The following CUL3 variants were observed in gnomAD, a reference collection of about 807,000 sequenced individuals.
CUL3 encodes the protein cullin-3.
A neutral mutation model predicts 89.1 loss-of-function variants in CUL3; 19 were observed. That is an observed-to-expected ratio of 0.21 (90% CI 0.15 to 0.31). The LOEUF (loss-of-function observed/expected upper bound fraction) is 0.31. Among genes scored for constraint, CUL3 ranks in the 10% least tolerant of loss-of-function variants. The probability of loss-of-function intolerance (pLI) is 1.00; values close to 1 mark genes in which losing one functional copy is unlikely to be tolerated. For missense variants in CUL3, 469 were observed against 942.3 expected, an observed-to-expected ratio of 0.50 and a Z score of 6.58; for synonymous variants, 351 against 308.4, an observed-to-expected ratio of 1.14 and a Z score of -1.45.
chr2:224,539,838 A>G (rs1053867813), intron 2 of CUL3, among the ~76,000 whole-genome samples: 1 of 152,084 alleles, frequency 6.6e-6, no homozygotes, highest in Non-Finnish European at 1.5e-5. Context: ...TATTCTGTAC[A>G]ATACTATACT....
intron 1 of CUL3, among the ~76,000 whole-genome samples, chr2:224,581,425 T>A (rs1695434579): frequency 6.6e-6 from 1 of 151,646 alleles, no homozygotes. Context: ...GATTATGTGT[T>A]AGCTTGATGG....
intron 1 of CUL3, among the ~76,000 whole-genome samples, chr2:224,577,174 T>C (rs914921960): frequency 5.3e-5 from 8 of 152,252 alleles, no homozygotes; most frequent in African/African-American, 1.7e-4. Flanking sequence ...TTTAAAGCTT[T>C]ATTTTATTTA....
At chr2:224,516,865 T>C (rs1693072769) in intron 3 of CUL3, among the ~76,000 whole-genome samples, 4 of 151,992 alleles carry the variant, frequency 2.6e-5, no homozygotes. Flanking sequence ...CAGGATGGTC[T>C]CCATCTCCTA....
chr2:224,551,328 C>A (rs1694508335), intron 2 of CUL3, among the ~76,000 whole-genome samples: 2 of 151,864 alleles, frequency 1.3e-5, no homozygotes, highest in Admixed American at 1.3e-4. Flanking sequence ...GCCTCAGCCT[C>A]CTGTGTAGCT....
intron 1 of CUL3, among the ~76,000 whole-genome samples, chr2:224,563,772 C>T (rs1221108857): frequency 6.6e-6 from 1 of 152,154 alleles, no homozygotes; most frequent in Admixed American, 6.5e-5. Context: ...AACTTGGTAA[C>T]TTAACAGCCA....
chr2:224,521,957 G>GA (rs1474854003), intron 3 of CUL3, among the ~76,000 whole-genome samples: 2 of 149,858 alleles, frequency 1.3e-5, no homozygotes, highest in African/African-American at 4.9e-5. Flanking sequence ...CTGTAAAAGA[G>GA]AATACGAAAA....
intron 9 of CUL3, 51 bp downstream of exon 9, chr2:224,503,601 C>T (rs2106196101): frequency 1.4e-6 from 2 of 1,403,662 alleles, no homozygotes; most frequent in Non-Finnish European, 9.6e-7. Flanking sequence ...AGTACACAAT[C>T]ATAATAAACC....
intron 2 of CUL3, 54 bp downstream of exon 2, chr2:224,557,605 A>C (rs976611235): frequency 3.9e-5 from 50 of 1,294,342 alleles, no homozygotes; most frequent in Non-Finnish European, 5.3e-5. Context: ...ATATGGTATA[A>C]AGGATTTTCT....
At chr2:224,583,168 G>T (rs1328376774) in intron 1 of CUL3, among the ~76,000 whole-genome samples, 1 of 151,984 alleles carries the variant, frequency 6.6e-6, no homozygotes, top group Non-Finnish European at 1.5e-5. Flanking sequence ...ACCTGAGGTC[G>T]GGAGTTCGAG....
chr2:224,576,933 G>T (rs976198652), intron 1 of CUL3, among the ~76,000 whole-genome samples: 2 of 152,102 alleles, frequency 1.3e-5, no homozygotes, highest in Non-Finnish European at 2.9e-5. Context: ...GTATCCCAGT[G>T]GTACTAAACC....
intron 2 of CUL3, among the ~76,000 whole-genome samples, chr2:224,544,100 C>T (rs188644454): frequency 1.9e-4 from 29 of 152,294 alleles, no homozygotes; most frequent in African/African-American, 7.0e-4. Flanking sequence ...GAGCAAGTCA[C>T]CTAACCTATC....
intron 1 of CUL3, among the ~76,000 whole-genome samples, chr2:224,567,957 A>G (rs748219094): frequency 1.3e-5 from 2 of 152,150 alleles, no homozygotes; most frequent in Admixed American, 1.3e-4. Context: ...AACAACATTA[A>G]ACCAATGGGA....
At chr2:224,571,803 A>C (rs1016511517) in intron 1 of CUL3, among the ~76,000 whole-genome samples, 1 of 152,226 alleles carries the variant, frequency 6.6e-6, no homozygotes, top group African/African-American at 2.4e-5. Flanking sequence ...TTTCAAACAA[A>C]GGCCACAGGA....
At chr2:224,529,078 C>A (rs1363516762) in intron 3 of CUL3, among the ~76,000 whole-genome samples, 1 of 152,008 alleles carries the variant, frequency 6.6e-6, no homozygotes, top group Non-Finnish European at 1.5e-5. Context: ...GGAATACTAT[C>A]TATAATTTTC....
intron 11 of CUL3, chr2:224,499,695 C>A: frequency 4.7e-6 from 1 of 213,858 alleles, no homozygotes; most frequent in South Asian, 8.7e-5. Flanking sequence ...TATCTACGGT[C>A]ACTGCAAAAA....
intron 1 of CUL3, among the ~76,000 whole-genome samples, chr2:224,574,751 A>G (rs1242808818): frequency 1.3e-5 from 2 of 152,240 alleles, no homozygotes; most frequent in Non-Finnish European, 2.9e-5. Context: ...TGATACCACT[A>G]TTAGCATTTT....
At chr2:224,539,886 C>T (rs1694032700) in intron 2 of CUL3, among the ~76,000 whole-genome samples, 1 of 152,136 alleles carries the variant, frequency 6.6e-6, no homozygotes, top group African/African-American at 2.4e-5. Context: ...TGAGTTCATT[C>T]CAAAAGTGAG....
chr2:224,584,580 G>T lies in CUL3; in HGVS notation c.66+364C>A, dbSNP rs1050501049. On this transcript the variant is annotated intron_variant, in intron 1 of 15. Coordinates refer to ENST00000264414, the MANE Select transcript of CUL3 (RefSeq NM_003590.5). ...AAAGTTCCACACACGCCCCACACAGGGAGGACTCCGCGGCTGCTAGCAGCG... is the reference window on the plus strand; with the variant it reads ...AAAGTTCCACACACGCCCCACACAGTGAGGACTCCGCGGCTGCTAGCAGCG... Among the ~76,000 whole-genome samples the T allele has an allele frequency of 2.6e-5, 4 of 152,086 alleles. No homozygotes were observed. In the Middle Eastern group the frequency reaches 0.01, roughly 391 times the overall value.
intron 3 of CUL3, among the ~76,000 whole-genome samples, chr2:224,535,001 A>AAAATAAAT (rs201253756): frequency 0.012 from 1,659 of 133,136 alleles, 11 homozygotes; most frequent in Non-Finnish European, 0.015. Context: ...ACCCCGTCTC[A>AAAATAAAT]AAATAAATAA....
Sources: gnomAD v4.1 joint callset for allele counts (sites outside exome capture counted in the v4.1 genomes callset) on GRCh38, gnomAD v4.1.1 for gene constraint, MANE v1.5 for transcripts, NCBI Gene and HGNC (gene_info 2026-07-23, HGNC 2026-07-21) for gene names.